TDRD3: variants seen among roughly 807,000 people sequenced by gnomAD.
The protein encoded by TDRD3 is tudor domain containing 3.
In TDRD3, 45 loss-of-function variants were observed where a neutral mutation model predicts 86.7. The observed-to-expected ratio is 0.52, with a 90% CI of 0.41 to 0.67. The LOEUF (loss-of-function observed/expected upper bound fraction) is 0.67, where lower values mean the gene tolerates loss of function less well. TDRD3 is among the 30% of genes least tolerant of loss of function. TDRD3 has a pLI of 0.00. For synonymous variants in TDRD3, 298 were observed against 301.7 expected, an observed-to-expected ratio of 0.99 and a Z score of 0.13; for missense variants, 814 against 889.0, an observed-to-expected ratio of 0.92 and a Z score of 1.07.
At chr13:60,459,370 T>TTA (rs2138047222) in intron 3 of TDRD3, among the ~76,000 whole-genome samples, 1 of 152,350 alleles carries the variant, frequency 6.6e-6, no homozygotes, top group South Asian at 2.1e-4. Flanking sequence ...TAAGCAGATT[T>TTA]TACTGTTATT....
At chr13:60,506,917 A>T (rs554547233) in intron 8 of TDRD3, among the ~76,000 whole-genome samples, 2 of 152,296 alleles carry the variant, frequency 1.3e-5, no homozygotes, top group Non-Finnish European at 2.9e-5. Context: ...GGCAAATTGG[A>T]TAAAGAGTCA....
intron 8 of TDRD3, among the ~76,000 whole-genome samples, chr13:60,504,684 C>G (rs1284996893): frequency 6.6e-6 from 1 of 152,170 alleles, no homozygotes; most frequent in East Asian, 1.9e-4. Context: ...GCCTGCAGCT[C>G]CTAGCGAGAC....
At chr13:60,473,321 A>G (rs1190477073) in intron 5 of TDRD3, among the ~76,000 whole-genome samples, 1 of 152,208 alleles carries the variant, frequency 6.6e-6, no homozygotes, top group African/African-American at 2.4e-5. Flanking sequence ...TGAAGGTCCT[A>G]CCTCTTAACA....
intron 8 of TDRD3, among the ~76,000 whole-genome samples, chr13:60,504,441 G>A (rs1956893200): frequency 6.6e-6 from 1 of 152,202 alleles, no homozygotes; most frequent in African/African-American, 2.4e-5. Flanking sequence ...TTGCCTGTCT[G>A]TAAAGCAGGC....
rs140556861 is a variant in TDRD3 at position 60,472,943 on chromosome 13, A to G, written c.495+5564A>G. Among the ~76,000 whole-genome samples, 67 of 152,292 alleles carry G rather than the reference A, an allele frequency of 4.4e-4. 1 individual carries two copies. In the East Asian group the frequency reaches 0.01, roughly 24 times the overall value. On this transcript the variant is annotated intron_variant, in intron 5 of 13. Transcript: ENST00000377881. ...CCATTTACTTTTAATGGAATTCAGT[A>G]TGGAAAGTTTTAATTCTACTATCTT... is the stretch of plus-strand genomic sequence containing the variant.
chr13:60,550,547 C>T (rs955079085), intron 12 of TDRD3, among the ~76,000 whole-genome samples: 4 of 151,982 alleles, frequency 2.6e-5, no homozygotes, highest in Admixed American at 2.6e-4. Context: ...TAGGATTTGT[C>T]TTAGTAAATA....
chr13:60,496,161 G>T (rs965884550), intron 8 of TDRD3, among the ~76,000 whole-genome samples: 4 of 151,146 alleles, frequency 2.6e-5, no homozygotes, highest in Admixed American at 2.6e-4. Flanking sequence ...TCCTGTGCTG[G>T]ATGCTTCCTA....
intron 8 of TDRD3, among the ~76,000 whole-genome samples, chr13:60,500,493 A>G (rs1219831801): frequency 2.0e-5 from 3 of 152,152 alleles, no homozygotes; most frequent in Admixed American, 6.5e-5. Context: ...GTTCTGCACA[A>G]TATGCAGGCA....
intron 12 of TDRD3, among the ~76,000 whole-genome samples, chr13:60,555,848 C>CTG (rs1555293275): frequency 4.4e-5 from 6 of 136,138 alleles, no homozygotes; most frequent in Non-Finnish European, 9.5e-5. Context: ...CAACCTATTT[C>CTG]TTTCTTTTTT....
intron 12 of TDRD3, among the ~76,000 whole-genome samples, chr13:60,549,932 A>C (rs780834182): frequency 2.6e-5 from 4 of 152,134 alleles, no homozygotes; most frequent in African/African-American, 4.8e-5. Context: ...AATCCTATTA[A>C]GAACATACTT....
intron 12 of TDRD3, chr13:60,536,704 T>A (rs1957703876): frequency 6.6e-6 from 1 of 152,112 alleles, no homozygotes; most frequent in Admixed American, 6.6e-5. Context: ...TAGTAAGAGA[T>A]TAATTTTATT....
At chr13:60,492,024 A>G (rs1358793310) in intron 7 of TDRD3, among the ~76,000 whole-genome samples, 1 of 152,222 alleles carries the variant, frequency 6.6e-6, no homozygotes, top group Non-Finnish European at 1.5e-5. Flanking sequence ...GATGTGGCTC[A>G]TAAAGGGCAA....
At chr13:60,572,659 G>T (rs988638582) in intron 13 of TDRD3, among the ~76,000 whole-genome samples, 3 of 152,164 alleles carry the variant, frequency 2.0e-5, no homozygotes, top group Non-Finnish European at 4.4e-5. Context: ...TTTCTTCTTT[G>T]TTTGATGAAA....
intron 3 of TDRD3, among the ~76,000 whole-genome samples, chr13:60,452,164 C>A (rs1337861813): frequency 2.0e-5 from 3 of 152,092 alleles, no homozygotes; most frequent in Admixed American, 6.6e-5. Flanking sequence ...TCCAGCACAA[C>A]CCTGGGTATA....
intron 2 of TDRD3, among the ~76,000 whole-genome samples, chr13:60,440,979 A>G (rs1222194637): frequency 6.6e-6 from 1 of 152,188 alleles, no homozygotes; most frequent in African/African-American, 2.4e-5. Context: ...TTAAACAGAT[A>G]AAATTTATGT....
intron 3 of TDRD3, among the ~76,000 whole-genome samples, chr13:60,454,949 T>C (rs977613895): frequency 6.6e-6 from 1 of 152,120 alleles, no homozygotes; most frequent in Non-Finnish European, 1.5e-5. Context: ...GTCTTGCTCT[T>C]GTTGCCCAGG....
At chr13:60,425,343 T>C (rs1198996195) in intron 1 of TDRD3, among the ~76,000 whole-genome samples, 2 of 151,992 alleles carry the variant, frequency 1.3e-5, no homozygotes, top group African/African-American at 4.8e-5. Context: ...ATGGCTATTA[T>C]CAAAAAAGAT....
chr13:60,400,737 CA>C (rs796259856), intron 1 of TDRD3, among the ~76,000 whole-genome samples: 2,260 of 91,298 alleles, frequency 0.025, 55 homozygotes, highest in African/African-American at 0.077. Context: ...GACTGTGTCT[CA>C]AAAAAAAAAA....
At chr13:60,506,559 C>A (rs936293761) in intron 8 of TDRD3, among the ~76,000 whole-genome samples, 2 of 152,072 alleles carry the variant, frequency 1.3e-5, no homozygotes, top group African/African-American at 4.8e-5. Context: ...GAGTTTGAGA[C>A]CAGCCTGGCT....
Sources: allele counts gnomAD v4.1 joint callset (sites outside exome capture counted in the v4.1 genomes callset), GRCh38; gene constraint gnomAD v4.1.1; transcripts MANE v1.5; gene names NCBI Gene and HGNC (gene_info 2026-07-23, HGNC 2026-07-21).